Variants in TAS1R3 observed in about 807,000 individuals in gnomAD.
TAS1R3 encodes the protein taste receptor type 1 member 3.
In TAS1R3, 58 loss-of-function variants were observed where a neutral mutation model predicts 46.1. That is an observed-to-expected ratio of 1.26 (90% CI 1.02 to 1.57). TAS1R3 has a LOEUF of 1.57. Ranked by LOEUF, TAS1R3 falls within the 40% of genes most tolerant of loss-of-function variation. The pLI is 0.00. For missense variants in TAS1R3, 1,422 were observed against 1,185.8 expected (o/e 1.20, Z -2.93); for synonymous variants, 724 against 544.7 (o/e 1.33, Z -4.58).
Position 1,331,863 on chromosome 1 carries a change from G to C in TAS1R3, c.417G>C (p.Leu139=). The change falls in exon 2 of 6, where the codon CTG becomes CTC. Residue 139 remains leucine (L), a synonymous_variant. Transcript: ENST00000339381. ...CNYTQYQPRV[L]AVIGPHSSEL... ...ACACGCAGTACCAGCCCCGTGTGCT[G>C]GCTGTCATCGGGCCCCACTCGTCAG... 1 of 1,612,898 alleles carries C rather than the reference G, an allele frequency of 6.2e-7. No homozygotes were observed. Among genetic ancestry groups the C allele is most frequent in the Non-Finnish European group, 8.5e-7 (1 of 1,180,002 alleles).
chr1:1,332,305 C>T lies in TAS1R3; in HGVS notation c.774C>T (p.Asp258=), dbSNP rs760644122. ...ADDSRLGKVQ[D]VLHQVNQSSV... ...ACTCGCGGCTGGGGAAGGTGCAGGA[C>T]GTCCTGCACCAGGTGAACCAGAGCA... The change falls in exon 3 of 6, where the codon GAC becomes GAT. Residue 258 remains aspartate (D), a synonymous_variant. Transcript: ENST00000339381. The T allele has an allele frequency of 1.6e-5, 25 of 1,605,948 alleles. No individual in the cohort carries two copies. The highest frequency in any genetic ancestry group is 2.2e-5 in the East Asian group (1 of 44,748).
Position 1,333,059 on chromosome 1 carries a change from G to A in TAS1R3, c.1414G>A (p.Gly472Ser), listed in dbSNP as rs1050887779. Residue 472 changes from glycine (G) to serine (S), a missense_variant, in exon 4 of 6, where the codon GGC becomes AGC. Gly to Ser is a moderately conservative substitution (Grantham distance 56). Transcript: ENST00000339381. ...QGSVPRLHDV[G>S]RFNGSLRTER... is the part of the protein sequence containing the mutation. ...CTCAGTGCCCAGGCTCCACGACGTGGGCAGGTTCAACGGCAGCCTCAGGAC... is the reference window on the plus strand; with the variant it reads ...CTCAGTGCCCAGGCTCCACGACGTGAGCAGGTTCAACGGCAGCCTCAGGAC... 6.2e-6 allele frequency: 10 copies of A among 1,612,616 alleles called. No individual in the cohort carries two copies. The highest frequency in any genetic ancestry group is 8.5e-6 in the Non-Finnish European group (10 of 1,179,932).
In TAS1R3 at chr1:1,332,040, G is replaced by A. The variant is rs760265503; in HGVS notation, c.509G>A (p.Ser170Asn). The stretch of plus-strand genomic sequence containing the variant: ...CCCTTGCAGGTCAGCTACGGTGCTA[G>A]CATGGAGCTGCTGAGCGCCCGGGAG... ...FLMPQVSYGASMELLSARETF... is the reference protein window; with the variant it reads ...FLMPQVSYGANMELLSARETF... Residue 170 changes from serine to asparagine, a missense_variant, in exon 3 of 6, where the codon AGC (serine) becomes AAC (asparagine). Transcript: ENST00000339381. 8.1e-6 allele frequency: 13 copies of A among 1,604,454 alleles called. No homozygotes were observed. The highest frequency in any genetic ancestry group is 1.7e-5 in the Admixed American group (1 of 59,788).
Position 1,331,768 on chromosome 1 carries a change from G to A in TAS1R3, c.322G>A (p.Val108Met), listed in dbSNP as rs1434799609. The A allele has an allele frequency of 1.2e-6, 2 of 1,612,906 alleles. No homozygotes were observed. Among genetic ancestry groups the A allele is most frequent in the Middle Eastern group, 1.6e-4 (1 of 6,062 alleles). ...DLFDTCSEPV[V>M]AMKPSLMFLA... The stretch of plus-strand genomic sequence containing the variant: ...CTTTGATACGTGCTCGGAGCCTGTG[G>A]TGGCCATGAAGCCCAGCCTCATGTT... The change falls in exon 2 of 6, where the codon GTG becomes ATG. Residue 108 changes from valine (V) to methionine (M), a missense_variant. Val to Met is a conservative substitution (Grantham distance 21). Coordinates refer to ENST00000339381, the MANE Select transcript of TAS1R3 (RefSeq NM_152228.3).
At position 1,333,273 on chromosome 1, in the gene TAS1R3, G is replaced by C; in HGVS notation, c.1494G>C (p.Arg498=). ...HTSDNQKPVS[R]CSRQCQEGQV... ...CCTGTGCGCAGAAGCCCGTGTCCCG[G>C]TGCTCGCGGCAGTGCCAGGAGGGCC... The change falls in exon 5 of 6, where the codon CGG becomes CGC. Residue 498 remains arginine (R), a synonymous_variant. Transcript: ENST00000339381. The C allele has an allele frequency of 6.3e-7, 1 of 1,597,734 alleles. No individual in the cohort carries two copies. The highest frequency in any genetic ancestry group is 8.5e-7 in the Non-Finnish European group (1 of 1,173,676).
chr1:1,334,670 C>T lies in TAS1R3; in HGVS notation c.*206C>T. ...TCTGGGCCCCAGAGCCAAGCTGTGT[C>T]CCTGTCCCTCTGTGCCCAGACCAGG... On this transcript the variant is annotated 3_prime_UTR_variant, in exon 6 of 6. Coordinates refer to ENST00000339381, the MANE Select transcript of TAS1R3 (RefSeq NM_152228.3). The T allele has an allele frequency of 1.7e-6, 1 of 602,480 alleles. No homozygotes were observed. Among genetic ancestry groups the T allele is most frequent in the Non-Finnish European group, 2.8e-6 (1 of 352,312 alleles). 37.3% of individuals were successfully genotyped at this position (602,480 alleles called of 1,614,324 possible). A position where few individuals can be genotyped will look rare whatever the true frequency, so the allele number is the denominator to read the frequency against.
Position 1,333,736 on chromosome 1 carries a change from C to T in TAS1R3, c.1831C>T (p.Leu611=). 1 of 1,603,770 alleles carries T rather than the reference C, an allele frequency of 6.2e-7. No individual in the cohort carries two copies. The highest frequency in any genetic ancestry group is 8.5e-7 in the Non-Finnish European group (1 of 1,176,928). ...GGGGGGGCCCCTGGCCTGCTTTGGC[C>T]TGGTGTGCCTGGGCCTGGTCTGCCT... is the stretch of plus-strand genomic sequence containing the variant. ...ASGGPLACFG[L]VCLGLVCLSV... The change falls in exon 6 of 6, where the codon CTG becomes TTG. Residue 611 remains leucine, a synonymous_variant. Coordinates refer to ENST00000339381, the MANE Select transcript of TAS1R3 (RefSeq NM_152228.3).
rs748734474 is a variant in TAS1R3, at chr1:1,334,168, C to T, written c.2263C>T (p.Pro755Ser). The T allele has an allele frequency of 6.3e-7, 1 of 1,590,186 alleles. No individual in the cohort carries two copies. The highest frequency in any genetic ancestry group is 1.1e-5 in the South Asian group (1 of 88,430). The change falls in exon 6 of 6, where the codon CCG (proline) becomes TCG (serine). Residue 755 changes from proline (P) to serine (S), a missense_variant. By Grantham distance (74) the Pro-to-Ser change is moderately conservative. Transcript: ENST00000339381. ...FLGTFLVRSQ[P>S]GCYNRARGLT... ...GGGCACTTTCCTGGTGCGGAGCCAG[C>T]CGGGCTGCTACAACCGTGCCCGTGG...
At position 1,332,336 on chromosome 1, in the gene TAS1R3, C is replaced by T; in HGVS notation, c.805C>T (p.Gln269Ter). 6.2e-7 allele frequency: 1 copy of T among 1,607,014 alleles called. No individual in the cohort carries two copies. ...GCACCAGGTGAACCAGAGCAGCGTG[C>T]AGGTGGTGCTGCTGTTCGCCTCCGT... is the stretch of plus-strand genomic sequence containing the variant. ...VLHQVNQSSV[Q>*]VVLLFASVHA... Residue 269 changes from glutamine (Q) to a stop codon, truncating the protein, a stop_gained, in exon 3 of 6, where the codon CAG becomes TAG. Transcript: ENST00000339381. LOFTEE classifies it high-confidence loss of function.
In TAS1R3 at chr1:1,333,923, G is replaced by A. The variant is rs765938869; in HGVS notation, c.2018G>A (p.Ser673Asn). Residue 673 changes from serine (S) to asparagine (N), a missense_variant, in exon 6 of 6, where the codon AGT (serine) becomes AAT (asparagine). Coordinates refer to ENST00000339381, the MANE Select transcript of TAS1R3 (RefSeq NM_152228.3). ...ELPLSWADRL[S>N]GCLRGPWAWL... ...CCTCTGAGCTGGGCAGACCGGCTGAGTGGCTGCCTGCGGGGGCCCTGGGCC... is the reference window on the plus strand; with the variant it reads ...CCTCTGAGCTGGGCAGACCGGCTGAATGGCTGCCTGCGGGGGCCCTGGGCC... 2 of 1,601,134 alleles carry A rather than the reference G, an allele frequency of 1.2e-6. No homozygotes were observed. Among genetic ancestry groups the A allele is most frequent in the Admixed American group, 1.7e-5 (1 of 60,010 alleles).
Position 1,333,030 on chromosome 1 carries a change from A to AG in TAS1R3, c.1388dup (p.Ser464LeufsTer28), listed in dbSNP as rs1391269899. 1 of 1,612,664 alleles carries AG rather than the reference A, an allele frequency of 6.2e-7. No homozygotes were observed. Among genetic ancestry groups the AG allele is most frequent in the African/African-American group, 1.3e-5 (1 of 74,942 alleles). On this transcript the variant is annotated frameshift_variant, in exon 4 of 6. Transcript: ENST00000339381. LOFTEE classifies it high-confidence loss of function. The stretch of plus-strand genomic sequence containing the variant: ...TACGACCTGAAGCTGTGGGTGTGGC[A>AG]GGGCTCAGTGCCCAGGCTCCACGAC...
chr1:1,332,850 A>G (rs1161135403), intron 3 of TAS1R3, 44 bp downstream of exon 3: 2 of 1,588,912 alleles, frequency 1.3e-6, no homozygotes, highest in Non-Finnish European at 1.7e-6. Context: ...GCATGTGCCC[A>G]GGCCACCAGG....
At chr1:1,333,431 T>C (rs1231809027) in intron 5 of TAS1R3, 52 bp downstream of exon 5, 1 of 1,607,884 alleles carries the variant, frequency 6.2e-7, no homozygotes, top group Non-Finnish European at 8.5e-7. Flanking sequence ...GGGAGGGTCC[T>C]GCCAAGTCCT....
In TAS1R3 at chr1:1,331,505, C is replaced by T. The variant is rs781635563; in HGVS notation, c.160C>T (p.Arg54Trp). The change falls in exon 1 of 6, where the codon CGG becomes TGG. Residue 54 changes from arginine to tryptophan, a missense_variant. Arg to Trp is a moderately radical substitution (Grantham distance 101). Transcript: ENST00000339381. ...GEAEEAGLRS[R>W]TRPSSPVCTR... ...GGCCGAGGAGGCTGGCCTCCGCAGC[C>T]GGACACGGCCCAGCAGCCCTGTGTG... 73 of 1,602,534 alleles carry T rather than the reference C, an allele frequency of 4.6e-5. No individual in the cohort carries two copies. Among genetic ancestry groups the T allele is most frequent in the Middle Eastern group, 1.7e-4 (1 of 6,058 alleles).
Position 1,333,618 on chromosome 1 carries a change from G to C in TAS1R3, c.1713G>C (p.Leu571=). The change falls in exon 6 of 6, where the codon CTG becomes CTC. Residue 571 remains leucine, a synonymous_variant. Coordinates refer to ENST00000339381, the MANE Select transcript of TAS1R3 (RefSeq NM_152228.3). The part of the protein sequence containing the change: ...FLAWGEPAVL[L]LLLLLSLALG... ...CATGGGGCGAGCCGGCTGTGCTGCT[G>C]CTGCTCCTGCTGCTGAGCCTGGCGC... 6.2e-7 allele frequency: 1 copy of C among 1,610,652 alleles called. No homozygotes were observed. The highest frequency in any genetic ancestry group is 8.5e-7 in the Non-Finnish European group (1 of 1,179,776).
At position 1,333,116 on chromosome 1, in the gene TAS1R3, G is replaced by A; in HGVS notation, c.1471G>A (p.Asp491Asn). ...ERLKIRWHTSDNQKPVSRCSR... is the reference protein window; with the variant it reads ...ERLKIRWHTSNNQKPVSRCSR... Reference sequence around the variant, plus strand: ...CCTGAAGATCCGCTGGCACACGTCTGACAACCAGGTGAGGTGAGGGTGGGT... The same window carrying A: ...CCTGAAGATCCGCTGGCACACGTCTAACAACCAGGTGAGGTGAGGGTGGGT... The change falls in exon 4 of 6, where the codon GAC becomes AAC. Residue 491 changes from aspartate (D) to asparagine (N), a missense_variant. By Grantham distance (23) the Asp-to-Asn change is conservative (BLOSUM62 1). Coordinates refer to ENST00000339381, the MANE Select transcript of TAS1R3 (RefSeq NM_152228.3). 1 of 1,611,366 alleles carries A rather than the reference G, an allele frequency of 6.2e-7. No individual in the cohort carries two copies.
chr1:1,333,183 C>T, intron 4 of TAS1R3, 59 bp downstream of exon 4: 1 of 1,591,612 alleles, frequency 6.3e-7, no homozygotes, highest in Non-Finnish European at 8.5e-7. Context: ...CAGGGCGCAG[C>T]CTGGGGGTGG....
rs777786663 is a variant in TAS1R3 at position 1,334,146 on chromosome 1, C to G, written c.2241C>G (p.Gly747=). 3.2e-6 allele frequency: 5 copies of G among 1,583,360 alleles called. No individual in the cohort carries two copies. In the South Asian group the frequency reaches 4.5e-5, roughly 14 times the overall value. The change falls in exon 6 of 6, where the codon GGC becomes GGG. Residue 747 remains glycine (G), a synonymous_variant. Transcript: ENST00000339381. The part of the protein sequence containing the change: ...NATLAFLCFL[G]TFLVRSQPGC... ...CGCTGGCCTTTCTCTGCTTCCTGGGCACTTTCCTGGTGCGGAGCCAGCCGG... is the reference window on the plus strand; with the variant it reads ...CGCTGGCCTTTCTCTGCTTCCTGGGGACTTTCCTGGTGCGGAGCCAGCCGG...
chr1:1,334,758 G>A lies in TAS1R3; in HGVS notation c.*294G>A, dbSNP rs567447445. The A allele has an allele frequency of 1.4e-4, 47 of 344,776 alleles. 1 individual carries two copies. In the South Asian group the frequency reaches 1.9e-3, roughly 14 times the overall value. The allele number at this position is 344,776 out of a possible 1,614,324, so 21.4% of individuals were successfully genotyped here. A position where few individuals can be genotyped will look rare whatever the true frequency, so the allele number is the denominator to read the frequency against. ...GGCCCGGAGGGCTCCCAGGGTACCC[G>A]CAACCCACACCGTGAGCTCAGGAAA... On this transcript the variant is annotated 3_prime_UTR_variant, in exon 6 of 6. Transcript: ENST00000339381.
Sources: allele counts gnomAD v4.1 joint callset, GRCh38; gene constraint gnomAD v4.1.1; transcripts MANE v1.5; gene names NCBI Gene and HGNC (gene_info 2026-07-23, HGNC 2026-07-21).